ABHD12: variants seen among roughly 807,000 people sequenced by gnomAD.
ABHD12 encodes lysophosphatidylserine lipase ABHD12.
In ABHD12, 43 loss-of-function variants were observed where a neutral mutation model predicts 58.3. That is an observed-to-expected ratio of 0.74 (90% confidence interval 0.58 to 0.95). The LOEUF is 0.95. Ranked by LOEUF, ABHD12 falls within the 40% of genes least tolerant of loss-of-function variation. The probability of loss-of-function intolerance (pLI) is 0.00; values close to 1 mark genes in which losing one functional copy is unlikely to be tolerated. For synonymous variants in ABHD12, 219 were observed against 211.2 expected, an observed-to-expected ratio of 1.04 and a Z score of -0.32; for missense variants, 539 against 537.2, an observed-to-expected ratio of 1.00 and a Z score of -0.03.
chr20:25,332,478 T>C (rs2089294338), intron 2 of ABHD12, among the ~76,000 whole-genome samples: 1 of 125,142 alleles, frequency 8.0e-6, no homozygotes, highest in South Asian at 2.7e-4. Flanking sequence ...TACAGAACTC[T>C]CCACCCCAAA....
chr20:25,369,246 C>T (rs927486550), intron 1 of ABHD12, among the ~76,000 whole-genome samples: 1 of 152,220 alleles, frequency 6.6e-6, no homozygotes. Context: ...GTCATCTATC[C>T]GTCTTTAGAG....
intron 2 of ABHD12, 199 bp downstream of exon 2, chr20:25,339,028 T>C: frequency 7.3e-7 from 1 of 1,367,216 alleles, no homozygotes; most frequent in Non-Finnish European, 9.5e-7. Flanking sequence ...AAAAGCATTC[T>C]AGTTCTCAAT....
At chr20:25,301,009 G>A (rs1456648116) in intron 12 of ABHD12, 125 bp from the exon 13 acceptor site, 14 of 991,922 alleles carry the variant, frequency 1.4e-5, no homozygotes, top group Non-Finnish European at 1.9e-5. Context: ...AGAGCCCCAT[G>A]AGGATGCGCT....
chr20:25,366,042 C>A (rs4815408), intron 1 of ABHD12, among the ~76,000 whole-genome samples: 1 of 151,866 alleles, frequency 6.6e-6, no homozygotes, highest in Non-Finnish European at 1.5e-5. Context: ...CCTTAAAAAT[C>A]AAATAAATAT....
intron 6 of ABHD12, among the ~76,000 whole-genome samples, chr20:25,312,328 G>A (rs978280796): frequency 4.6e-5 from 7 of 152,068 alleles, no homozygotes; most frequent in Admixed American, 2.0e-4. Flanking sequence ...GCAGCAGCGC[G>A]CTGCCATGCC....
At chr20:25,360,980 T>TA (rs2089738939) in intron 1 of ABHD12, among the ~76,000 whole-genome samples, 1 of 152,220 alleles carries the variant, frequency 6.6e-6, no homozygotes, top group African/African-American at 2.4e-5. Context: ...AGAAGTATGT[T>TA]AAAGTTTAGA....
intron 1 of ABHD12, among the ~76,000 whole-genome samples, chr20:25,385,331 C>CAAAAAAAAAAAAAAAAAAAA (rs11477490): frequency 3.9e-5 from 2 of 51,712 alleles, no homozygotes; most frequent in African/African-American, 7.6e-5. Context: ...GAGTGAGACT[C>CAAAAAAAAAAAAAAAAAAAA]AAAAAAAAAA....
chr20:25,346,635 T>TA (rs1396346908), intron 1 of ABHD12, among the ~76,000 whole-genome samples: 1 of 152,160 alleles, frequency 6.6e-6, no homozygotes, highest in African/African-American at 2.4e-5. Context: ...AAAACTGCTC[T>TA]AAAAAATAAA....
At chr20:25,333,683 A>G (rs112758576) in intron 2 of ABHD12, among the ~76,000 whole-genome samples, 1 of 152,036 alleles carries the variant, frequency 6.6e-6, no homozygotes, top group Non-Finnish European at 1.5e-5. Context: ...AATCCAGCAT[A>G]TAAACAGAAC....
At chr20:25,296,615 G>A (rs1053164781), downstream of ABHD12, 14 of 1,464,992 alleles carry the variant, frequency 9.6e-6, no homozygotes, top group African/African-American at 1.7e-4. Context: ...GCCACTGGTG[G>A]TCCCTGCTTT....
chr20:25,331,332 G>C (rs2146006932), intron 2 of ABHD12, among the ~76,000 whole-genome samples: 1 of 152,326 alleles, frequency 6.6e-6, no homozygotes, highest in Non-Finnish European at 1.5e-5. Context: ...CGTCTGATTG[G>C]TGTACCTGAA....
At chr20:25,351,020 G>C (rs958456938) in intron 1 of ABHD12, among the ~76,000 whole-genome samples, 1 of 148,710 alleles carries the variant, frequency 6.7e-6, no homozygotes, top group African/African-American at 2.5e-5. Flanking sequence ...CCCTTATTAA[G>C]CTGGTATATA....
intron 1 of ABHD12, among the ~76,000 whole-genome samples, chr20:25,366,176 C>T (rs1409725284): frequency 1.3e-5 from 2 of 152,044 alleles, no homozygotes; most frequent in African/African-American, 4.8e-5. Flanking sequence ...TTTATTATTA[C>T]ACCTCTTTAC....
At chr20:25,350,927 G>C (rs897106567) in intron 1 of ABHD12, among the ~76,000 whole-genome samples, 2 of 147,514 alleles carry the variant, frequency 1.4e-5, no homozygotes, top group African/African-American at 2.5e-5. Flanking sequence ...CTGTAGAAAA[G>C]CCTCATCAGA....
chr20:25,306,561 T>C (rs762788765), intron 10 of ABHD12, among the ~76,000 whole-genome samples: 5 of 152,158 alleles, frequency 3.3e-5, no homozygotes, highest in African/African-American at 4.8e-5. Context: ...TTTGGATTTT[T>C]TGTAGAGACA....
chr20:25,381,514 T>A (rs962298972), intron 1 of ABHD12, among the ~76,000 whole-genome samples: 1 of 152,126 alleles, frequency 6.6e-6, no homozygotes, highest in African/African-American at 2.4e-5. Context: ...CTGATCAGGA[T>A]GGACCCTATA....
intron 2 of ABHD12, among the ~76,000 whole-genome samples, chr20:25,324,348 T>G (rs1220411066): frequency 2.6e-5 from 4 of 152,166 alleles, no homozygotes; most frequent in East Asian, 1.9e-4. Context: ...AGTGTGTGTG[T>G]GGGGAGAATG....
chr20:25,316,833 A>G (rs140788532), intron 5 of ABHD12, among the ~76,000 whole-genome samples: 19 of 152,360 alleles, frequency 1.2e-4, no homozygotes, highest in Admixed American at 1.0e-3. Context: ...AGGCTGAAGC[A>G]GGAGGATAGT....
At chr20:25,377,759 G>A (rs1028597862) in intron 1 of ABHD12, among the ~76,000 whole-genome samples, 4 of 152,154 alleles carry the variant, frequency 2.6e-5, no homozygotes, top group Admixed American at 6.5e-5. Flanking sequence ...GTACAGTGGC[G>A]TGATCTCGGC....
Sources: allele counts gnomAD v4.1 joint callset (sites outside exome capture counted in the v4.1 genomes callset), GRCh38; gene constraint gnomAD v4.1.1; transcripts MANE v1.5; gene names NCBI Gene and HGNC (gene_info 2026-07-23, HGNC 2026-07-21).